The following LRRC8A variants were observed in gnomAD, a reference collection of about 807,000 sequenced individuals.
The protein encoded by LRRC8A is volume-regulated anion channel subunit LRRC8A.
Under a neutral mutation model 52.5 loss-of-function variants are expected in LRRC8A, and 24 were observed. The ratio of observed to expected loss-of-function variants is 0.46; its 90% CI spans 0.33 to 0.64. LRRC8A has a LOEUF of 0.64. Ranked by LOEUF, LRRC8A falls within the 30% of genes least tolerant of loss-of-function variation. The pLI, the probability that LRRC8A is intolerant of heterozygous loss-of-function variation, is 0.02. For missense variants in LRRC8A, 677 were observed against 1,094.7 expected (o/e 0.62, Z 5.38); for synonymous variants, 492 against 494.2 (o/e 1.00, Z 0.06).
chr9:128,901,794 G>A (rs1840036374), intron 2 of LRRC8A, among the ~76,000 whole-genome samples: 3 of 152,142 alleles, frequency 2.0e-5, no homozygotes. Flanking sequence ...GAGGGAGCCT[G>A]CCCCTGTAGG....
At chr9:128,914,213 C>G (rs888304097) in intron 3 of LRRC8A, among the ~76,000 whole-genome samples, 3 of 150,966 alleles carry the variant, frequency 2.0e-5, no homozygotes, top group African/African-American at 7.3e-5. Context: ...CGCCCCCGCC[C>G]CCCAAAAAAA....
At chr9:128,896,180 G>A (rs1041036938) in intron 2 of LRRC8A, among the ~76,000 whole-genome samples, 76 of 152,178 alleles carry the variant, frequency 5.0e-4, no homozygotes, top group Admixed American at 4.6e-4. Context: ...TATAACATAT[G>A]CATCATCTAC....
intron 2 of LRRC8A, among the ~76,000 whole-genome samples, chr9:128,898,153 C>G (rs1178616240): frequency 2.0e-4 from 30 of 151,346 alleles, no homozygotes; most frequent in Admixed American, 1.9e-3. Flanking sequence ...CTCTTGTTAT[C>G]AAGTGTTTTG....
chr9:128,907,668 G>A lies in LRRC8A; in HGVS notation c.504G>A (p.Trp168Ter). 2 of 1,614,060 alleles carry A rather than the reference G, an allele frequency of 1.2e-6. No homozygotes were observed. The highest frequency in any genetic ancestry group is 8.5e-7 in the Non-Finnish European group (1 of 1,180,014). The change falls in exon 3 of 4, where the codon TGG becomes TGA. Residue 168 changes from tryptophan (W) to a stop codon, truncating the protein, a stop_gained. Transcript: ENST00000372600. LOFTEE classifies it high-confidence loss of function. This position sits in a 1 kb window ranked among gnomAD's most constrained non-coding sequence, Gnocchi z 9.3. Reference protein sequence around the residue: ...SILLKCFDSPWTTRALSETVV... With the variant: ...SILLKCFDSP ...TGCTGAAGTGCTTCGACTCGCCCTG[G>A]ACCACGAGGGCCCTGTCGGAGACAG... is the stretch of plus-strand genomic sequence containing the variant.
chr9:128,895,520 G>A (rs1182689001), intron 2 of LRRC8A, among the ~76,000 whole-genome samples: 1 of 152,304 alleles, frequency 6.6e-6, no homozygotes, highest in African/African-American at 2.4e-5. Context: ...GAAGGCTGGG[G>A]CTCTCTGGGT....
At chr9:128,894,490 A>G (rs963950914) in intron 2 of LRRC8A, among the ~76,000 whole-genome samples, 3 of 150,976 alleles carry the variant, frequency 2.0e-5, no homozygotes, top group Non-Finnish European at 3.0e-5. Context: ...TCTCAAAAAA[A>G]AAAAAATTAT....
intron 1 of LRRC8A, among the ~76,000 whole-genome samples, chr9:128,883,682 AG>A (rs1319277395): frequency 1.3e-5 from 2 of 152,188 alleles, no homozygotes; most frequent in Non-Finnish European, 2.9e-5. Context: ...GGTACAGAGC[AG>A]GGGGTGCAGG....
rs766782363 is a variant in LRRC8A, at chr9:128,916,226, G to A, written c.2288G>A (p.Gly763Asp). The A allele has an allele frequency of 1.9e-6, 3 of 1,613,512 alleles. No individual in the cohort carries two copies. The highest frequency in any genetic ancestry group is 2.2e-5 in the East Asian group (1 of 44,890). Residue 763 changes from glycine to aspartate, a missense_variant, in exon 4 of 4, where the codon GGC becomes GAC. Coordinates refer to ENST00000372600, the MANE Select transcript of LRRC8A (RefSeq NM_019594.4). The surrounding 1 kb of genome is among the most constrained non-coding windows in gnomAD (Gnocchi z 6.1). ...LTNLTQIELR[G>D]NRLECLPVEL... is the part of the protein sequence containing the mutation. ...AACCTGACGCAGATCGAGCTGCGGGGCAACCGGCTGGAGTGCCTGCCTGTG... is the reference window on the plus strand; with the variant it reads ...AACCTGACGCAGATCGAGCTGCGGGACAACCGGCTGGAGTGCCTGCCTGTG...
At chr9:128,915,576 C>G (rs1015979165) in intron 3 of LRRC8A, among the ~76,000 whole-genome samples, 3 of 152,242 alleles carry the variant, frequency 2.0e-5, no homozygotes, top group African/African-American at 7.2e-5. Context: ...CCGCCCGCCT[C>G]AGCCTCCCAA....
chr9:128,916,290 G>A lies in LRRC8A; in HGVS notation c.2352G>A (p.Leu784=). The change falls in exon 4 of 4, where the codon TTG becomes TTA. Residue 784 remains leucine (L), a synonymous_variant. Coordinates refer to ENST00000372600, the MANE Select transcript of LRRC8A (RefSeq NM_019594.4). This position sits in a 1 kb window ranked among gnomAD's most constrained non-coding sequence, Gnocchi z 6.1. ...GCCCACTGCTCAAGCGCAGCGGCTTGGTGGTGGAGGAGGACCTGTTCAACA... is the reference window on the plus strand; with the variant it reads ...GCCCACTGCTCAAGCGCAGCGGCTTAGTGGTGGAGGAGGACCTGTTCAACA... The part of the protein sequence containing the change: ...GECPLLKRSG[L]VVEEDLFNTL... The A allele has an allele frequency of 6.2e-7, 1 of 1,613,448 alleles. No homozygotes were observed. Among genetic ancestry groups the A allele is most frequent in the Non-Finnish European group, 8.5e-7 (1 of 1,179,948 alleles).
At position 128,916,141 on chromosome 9, in the gene LRRC8A, G is replaced by A; in HGVS notation, c.2203G>A (p.Ala735Thr). Residue 735 changes from alanine (A) to threonine (T), a missense_variant, in exon 4 of 4, where the codon GCC becomes ACC. Coordinates refer to ENST00000372600, the MANE Select transcript of LRRC8A (RefSeq NM_019594.4). The surrounding 1 kb of genome is among the most constrained non-coding windows in gnomAD (Gnocchi z 6.1). ...PELFQCRKLRALHLGNNVLQS... is the reference protein window; with the variant it reads ...PELFQCRKLRTLHLGNNVLQS... Reference sequence around the variant, plus strand: ...GCTCTTCCAGTGCCGGAAGCTGCGGGCCCTGCACCTGGGCAACAACGTGCT... The same window carrying A: ...GCTCTTCCAGTGCCGGAAGCTGCGGACCCTGCACCTGGGCAACAACGTGCT... 1.2e-6 allele frequency: 2 copies of A among 1,612,938 alleles called. No homozygotes were observed. The highest frequency in any genetic ancestry group is 1.7e-6 in the Non-Finnish European group (2 of 1,179,580).
chr9:128,904,966 C>G (rs982584437), intron 2 of LRRC8A, among the ~76,000 whole-genome samples: 7 of 147,746 alleles, frequency 4.7e-5, no homozygotes, highest in African/African-American at 1.5e-4. Context: ...CCACTGCACT[C>G]CAGCCTAGGC....
intron 3 of LRRC8A, among the ~76,000 whole-genome samples, chr9:128,910,264 A>G (rs990469450): frequency 1.3e-5 from 2 of 152,238 alleles, no homozygotes; most frequent in Non-Finnish European, 2.9e-5. Flanking sequence ...TGGTGGAGGA[A>G]GCCTGAGGCC....
At position 128,916,338 on chromosome 9, in the gene LRRC8A, G is replaced by A. The variant is rs199588534; in HGVS notation, c.2400G>A (p.Glu800=). The change falls in exon 4 of 4, where the codon GAG becomes GAA. Residue 800 remains glutamate, a synonymous_variant. Transcript: ENST00000372600. This position sits in a 1 kb window ranked among gnomAD's most constrained non-coding sequence, Gnocchi z 6.1. ...ACACACTGCCACCCGAGGTGAAGGA[G>A]CGGCTGTGGAGGGCTGACAAGGAGC... ...LFNTLPPEVK[E]RLWRADKEQA The A allele has an allele frequency of 8.3e-5, 133 of 1,612,034 alleles. 1 individual carries two copies. In the East Asian group the frequency reaches 3.0e-3, roughly 36 times the overall value.
intron 2 of LRRC8A, among the ~76,000 whole-genome samples, chr9:128,890,603 G>T (rs1219206542): frequency 6.6e-6 from 1 of 152,180 alleles, no homozygotes; most frequent in South Asian, 2.1e-4. Context: ...ATCCCTGGGG[G>T]TAGCCCCCTT....
chr9:128,885,773 G>A (rs1170221537), intron 1 of LRRC8A, among the ~76,000 whole-genome samples: 1 of 152,188 alleles, frequency 6.6e-6, no homozygotes, highest in East Asian at 1.9e-4. Flanking sequence ...GCCAGGCTTG[G>A]TGGTGCGCAC....
At position 128,917,115 on chromosome 9, in the gene LRRC8A, A is replaced by C. The variant is rs1317647990; in HGVS notation, c.*744A>C. On this transcript the variant is annotated 3_prime_UTR_variant, in exon 4 of 4. Coordinates refer to ENST00000372600, the MANE Select transcript of LRRC8A (RefSeq NM_019594.4). ...TTTGGGTATTAAAAAGAAAAAAAAAACTTAAAAAAAAAAAGACACTAACGG... is the reference window on the plus strand; with the variant it reads ...TTTGGGTATTAAAAAGAAAAAAAAACCTTAAAAAAAAAAAGACACTAACGG... 2.6e-5 allele frequency: 4 copies of C among 151,150 alleles called. No individual in the cohort carries two copies. Among genetic ancestry groups the C allele is most frequent in the Non-Finnish European group, 5.9e-5 (4 of 67,706 alleles). 9.4% of individuals were successfully genotyped at this position (151,150 alleles called of 1,614,324 possible).
chr9:128,882,969 GA>G, intron 1 of LRRC8A: 1 of 395,070 alleles, frequency 2.5e-6, no homozygotes, highest in Non-Finnish European at 4.5e-6. Flanking sequence ...TGGGGTCATG[GA>G]GTTCATGATG....
rs1839643394 is a variant in LRRC8A at position 128,892,061 on chromosome 9, T to C, written c.-9+5940T>C. Among the ~76,000 whole-genome samples, 1 of 152,210 alleles carries C rather than the reference T, an allele frequency of 6.6e-6. No individual in the cohort carries two copies. On this transcript the variant is annotated intron_variant, in intron 2 of 3. Transcript: ENST00000372600. This position sits in a 1 kb window ranked among gnomAD's most constrained non-coding sequence, Gnocchi z 5.2. ...TATGGACTGTCTCCTTCTGTCCTCA[T>C]CACAGCCCTCCAAGCAATAGACTTG...
Sources: gnomAD v4.1 joint callset for allele counts (sites outside exome capture counted in the v4.1 genomes callset) on GRCh38, gnomAD v4.1.1 for gene constraint, Gnocchi (gnomAD v3.1) non-coding constraint, MANE v1.5 for transcripts, NCBI Gene and HGNC (gene_info 2026-07-23, HGNC 2026-07-21) for gene names.